The following SLBP variants were observed in gnomAD, a reference collection of about 807,000 sequenced individuals.
SLBP encodes histone RNA hairpin-binding protein.
A neutral mutation model predicts 39.2 loss-of-function variants in SLBP; 29 were observed. That is an observed-to-expected ratio of 0.74 (90% CI 0.55 to 1.01). SLBP has a LOEUF of 1.01. SLBP is among the 50% of genes least tolerant of loss of function. SLBP has a pLI of 0.00. For missense variants in SLBP, 390 were observed against 350.2 expected, an observed-to-expected ratio of 1.11 and a Z score of -0.91; for synonymous variants, 129 against 118.7, an observed-to-expected ratio of 1.09 and a Z score of -0.57.
chr4:1,703,763 G>A, intron 2 of SLBP, 63 bp from the exon 3 acceptor site: 2 of 1,165,222 alleles, frequency 1.7e-6, no homozygotes, highest in East Asian at 2.3e-5. Context: ...CAAACTGTAT[G>A]TCAAGAAATA....
chr4:1,700,703 G>T (rs1716292313), intron 3 of SLBP, among the ~76,000 whole-genome samples: 1 of 151,960 alleles, frequency 6.6e-6, no homozygotes, highest in Admixed American at 6.6e-5. Context: ...AGGACTCCAG[G>T]CAAGTGCCGC....
At chr4:1,694,265 TAG>T (rs1716023635) in intron 7 of SLBP, among the ~76,000 whole-genome samples, 1 of 152,202 alleles carries the variant, frequency 6.6e-6, no homozygotes. Flanking sequence ...GTATTTTTAG[TAG>T]AGACTGGGTT....
At chr4:1,709,402 T>G (rs1716645683) in intron 2 of SLBP, among the ~76,000 whole-genome samples, 1 of 152,220 alleles carries the variant, frequency 6.6e-6, no homozygotes, top group Non-Finnish European at 1.5e-5. Context: ...ACCTGCTCTC[T>G]TATCTGTAAA....
At position 1,712,002 on chromosome 4, in the gene SLBP, G is replaced by C; in HGVS notation, c.60-12C>G. On this transcript the variant is annotated splice_polypyrimidine_tract_variant and intron_variant, in intron 1 of 7. Transcript: ENST00000489418. The stretch of plus-strand genomic sequence containing the variant: ...CGGGGGACGGCGGGCTGCGGGGAGG[G>C]ACGCGGTCGGCTGGGCACGGGAGGT... 1 of 1,286,056 alleles carries C rather than the reference G, an allele frequency of 7.8e-7. No homozygotes were observed. The highest frequency in any genetic ancestry group is 9.8e-7 in the Non-Finnish European group (1 of 1,015,620). The allele number at this position is 1,286,056 out of a possible 1,614,324, so 79.7% of individuals were successfully genotyped here.
At chr4:1,700,424 T>C (rs1181820922) in intron 3 of SLBP, among the ~76,000 whole-genome samples, 2 of 152,168 alleles carry the variant, frequency 1.3e-5, no homozygotes, top group Admixed American at 6.5e-5. Context: ...CCTCATGAAC[T>C]TCCTGAGGCA....
At chr4:1,698,232 C>T (rs545708707) in intron 5 of SLBP, among the ~76,000 whole-genome samples, 27 of 151,452 alleles carry the variant, frequency 1.8e-4, no homozygotes, top group Admixed American at 1.3e-4. Flanking sequence ...TGGTGGCAGG[C>T]GCCTGTGGAG....
Position 1,711,971 on chromosome 4 carries a change from A to C in SLBP, c.79T>G (p.Trp27Gly). The change falls in exon 2 of 8, where the codon TGG becomes GGG. Residue 27 changes from tryptophan to glycine, a missense_variant. Coordinates refer to ENST00000489418, the MANE Select transcript of SLBP (RefSeq NM_006527.4). ...GCTCTGCGCTTCCGTCCCAGGCTCCATCGCGCGGGGGACGGCGGGCTGCGG... is the reference window on the plus strand; with the variant it reads ...GCTCTGCGCTTCCGTCCCAGGCTCCCTCGCGCGGGGGACGGCGGGCTGCGG... ...GDASPPSPARWSLGRKRRADG... is the reference protein window; with the variant it reads ...GDASPPSPARGSLGRKRRADG... The C allele has an allele frequency of 1.5e-6, 2 of 1,306,130 alleles. No homozygotes were observed. The highest frequency in any genetic ancestry group is 1.9e-6 in the Non-Finnish European group (2 of 1,028,020). The allele number at this position is 1,306,130 out of a possible 1,614,324, so 80.9% of individuals were successfully genotyped here.
Position 1,711,878 on chromosome 4 carries a change from C to T in SLBP, c.172G>A (p.Glu58Lys), listed in dbSNP as rs1716789435. 2 of 1,344,124 alleles carry T rather than the reference C, an allele frequency of 1.5e-6. No individual in the cohort carries two copies. Among genetic ancestry groups the T allele is most frequent in the Non-Finnish European group, 9.5e-7 (1 of 1,047,380 alleles). 83.3% of individuals were successfully genotyped at this position (1,344,124 alleles called of 1,614,324 possible). Residue 58 changes from glutamate to lysine, a missense_variant, in exon 2 of 8, where the codon GAG (glutamate) becomes AAG (lysine). By Grantham distance (56) the Glu-to-Lys change is moderately conservative. Transcript: ENST00000489418. ...ACCCCCGGGTCCCGCGCCCACCTCT[C>T]GGGTCTGCGCTCGGCGCCGCGGTGC... is the stretch of plus-strand genomic sequence containing the variant. Reference protein sequence around the residue: ...AEHRGAERRPESFTTPEGPKP... With the variant: ...AEHRGAERRPKSFTTPEGPKP...
intron 2 of SLBP, among the ~76,000 whole-genome samples, chr4:1,709,747 G>A (rs914042594): frequency 6.6e-6 from 1 of 152,242 alleles, no homozygotes; most frequent in Admixed American, 6.5e-5. Flanking sequence ...GAGTAGCTGG[G>A]ACTACAGGCG....
intron 5 of SLBP, among the ~76,000 whole-genome samples, chr4:1,698,345 T>C (rs982496305): frequency 4.1e-5 from 6 of 146,266 alleles, no homozygotes; most frequent in African/African-American, 1.5e-4. Context: ...AAAAAATGAA[T>C]ACACAGTGAG....
In SLBP at chr4:1,709,613, C is replaced by CTT. The variant is rs35077844; in HGVS notation, c.176+2259_176+2260dup. Reference sequence around the variant, plus strand: ...ACTGTTTCACCCTGAACATCTACTTCTTTTTTTTTTTTTTTTGAGACGGAG... The same window carrying CTT: ...ACTGTTTCACCCTGAACATCTACTTCTTTTTTTTTTTTTTTTTTGAGACGGAG... On this transcript the variant is annotated intron_variant, in intron 2 of 7. Coordinates refer to ENST00000489418, the MANE Select transcript of SLBP (RefSeq NM_006527.4). 1.0e-2 allele frequency among the ~76,000 whole-genome samples: 1,406 copies of CTT among 141,068 alleles called. 26 individuals carry two copies. Among genetic ancestry groups the CTT allele is most frequent in the African/African-American group, 0.032 (1,246 of 38,706 alleles). 92.5% of individuals were successfully genotyped at this position (141,068 alleles called of 152,430 possible).
At chr4:1,703,421 G>A (rs1414110366) in intron 3 of SLBP, among the ~76,000 whole-genome samples, 175 bp downstream of exon 3, 2 of 152,020 alleles carry the variant, frequency 1.3e-5, no homozygotes, top group African/African-American at 4.8e-5. Flanking sequence ...CACCCCATTC[G>A]CAGGCCCAGG....
chr4:1,707,395 A>C (rs886356467), intron 2 of SLBP, among the ~76,000 whole-genome samples: 3 of 151,072 alleles, frequency 2.0e-5, no homozygotes. Flanking sequence ...AATCCCAGCT[A>C]CTCGGGAGGC....
intron 5 of SLBP, among the ~76,000 whole-genome samples, chr4:1,699,084 A>G (rs1469735365): frequency 1.3e-5 from 2 of 152,192 alleles, no homozygotes; most frequent in Non-Finnish European, 2.9e-5. Flanking sequence ...TGGCCCAGAA[A>G]TGTAAATTTC....
chr4:1,712,275 C>T lies in SLBP; in HGVS notation c.-87G>A, dbSNP rs540158119. 5 of 852,442 alleles carry T rather than the reference C, an allele frequency of 5.9e-6. No individual in the cohort carries two copies. The highest frequency in any genetic ancestry group is 1.8e-5 in the African/African-American group (1 of 55,248). 52.8% of individuals were successfully genotyped at this position (852,442 alleles called of 1,614,324 possible). On this transcript the variant is annotated 5_prime_UTR_variant, in exon 1 of 8. Coordinates refer to ENST00000489418, the MANE Select transcript of SLBP (RefSeq NM_006527.4). ...GAGCGCAGAGTAGAGCAGGGCAGGGCCTGAGGCAGAAACCCGCGTCCCCGC... is the reference window on the plus strand; with the variant it reads ...GAGCGCAGAGTAGAGCAGGGCAGGGTCTGAGGCAGAAACCCGCGTCCCCGC...
intron 2 of SLBP, among the ~76,000 whole-genome samples, chr4:1,706,024 T>C (rs1007746077): frequency 6.6e-6 from 1 of 152,140 alleles, no homozygotes; most frequent in East Asian, 1.9e-4. Context: ...TGGCTCATAC[T>C]TGTAATCCCA....
At chr4:1,694,941 C>CT in intron 6 of SLBP, 101 bp from the exon 7 acceptor site, 1 of 811,064 alleles carries the variant, frequency 1.2e-6, no homozygotes, top group Admixed American at 1.8e-5. Context: ...AGCCACAACA[C>CT]TGACAGTGTG....
Position 1,712,318 on chromosome 4 carries a change from C to G in SLBP, c.-130G>C. ...GTCCCCGCGCCGGCGCTCACGAGCT[C>G]TGCGCGCCCCGCCCCCAACCGCCTT... On this transcript the variant is annotated 5_prime_UTR_variant, in exon 1 of 8. Coordinates refer to ENST00000489418, the MANE Select transcript of SLBP (RefSeq NM_006527.4). 2.0e-6 allele frequency: 1 copy of G among 509,774 alleles called. No individual in the cohort carries two copies. The highest frequency in any genetic ancestry group is 3.1e-6 in the Non-Finnish European group (1 of 321,456). 31.6% of individuals were successfully genotyped at this position (509,774 alleles called of 1,614,324 possible). A position where few individuals can be genotyped will look rare whatever the true frequency, so the allele number is the denominator to read the frequency against.
At chr4:1,710,906 C>G (rs900475919) in intron 2 of SLBP, among the ~76,000 whole-genome samples, 3 of 151,940 alleles carry the variant, frequency 2.0e-5, no homozygotes, top group Non-Finnish European at 4.4e-5. Context: ...AAAAAGTTAG[C>G]CGGGCGCGGT....
Sources: gnomAD v4.1 joint callset for allele counts (sites outside exome capture counted in the v4.1 genomes callset) on GRCh38, gnomAD v4.1.1 for gene constraint, MANE v1.5 for transcripts, NCBI Gene and HGNC (gene_info 2026-07-23, HGNC 2026-07-21) for gene names.